NBEA: variants seen among roughly 807,000 people sequenced by gnomAD.
NBEA encodes the protein lysosomal-trafficking regulator 2.
NBEA carries 44 observed loss-of-function variants against 343.4 expected under a neutral mutation model. That is an observed-to-expected ratio of 0.13 (90% CI 0.10 to 0.16). The LOEUF (loss-of-function observed/expected upper bound fraction) is 0.16, where lower values mean the gene tolerates loss of function less well. Ranked by LOEUF, NBEA falls within the 10% of genes least tolerant of loss-of-function variation. NBEA has a pLI of 1.00. For synonymous variants in NBEA, 1,175 were observed against 1,238.7 expected (o/e 0.95, Z 1.08); for missense variants, 2,555 against 3,631.3 (o/e 0.70, Z 7.62).
chr13:35,299,621 T>G (rs1310353849), intron 35 of NBEA, among the ~76,000 whole-genome samples: 1 of 152,208 alleles, frequency 6.6e-6, no homozygotes, highest in African/African-American at 2.4e-5. Flanking sequence ...ATCTAAAGAC[T>G]TGGCAGCTCT....
chr13:35,344,219 T>A (rs1464361686), intron 36 of NBEA, among the ~76,000 whole-genome samples: 1 of 151,968 alleles, frequency 6.6e-6, no homozygotes, highest in Non-Finnish European at 1.5e-5. Flanking sequence ...TAAACAATAA[T>A]AGATATACTA....
intron 1 of NBEA, among the ~76,000 whole-genome samples, chr13:35,033,334 T>C (rs1053603978): frequency 1.3e-5 from 2 of 151,966 alleles, no homozygotes; most frequent in Non-Finnish European, 2.9e-5. Context: ...GATTTGTTTC[T>C]GGGTTCTCTA....
At chr13:35,667,149 C>A (rs1185213165) in intron 56 of NBEA, among the ~76,000 whole-genome samples, 2 of 152,196 alleles carry the variant, frequency 1.3e-5, no homozygotes, top group Non-Finnish European at 2.9e-5. Context: ...GACCAAGTAT[C>A]TACCTGGTGA....
intron 41 of NBEA, among the ~76,000 whole-genome samples, chr13:35,535,953 G>T (rs1490810710): frequency 6.6e-6 from 1 of 152,118 alleles, no homozygotes; most frequent in Non-Finnish European, 1.5e-5. Flanking sequence ...CCAATCAAAA[G>T]GACTTCCAAA....
chr13:35,543,023 A>C (rs2078906349), intron 41 of NBEA, among the ~76,000 whole-genome samples: 1 of 152,042 alleles, frequency 6.6e-6, no homozygotes, highest in African/African-American at 2.4e-5. Context: ...ATACTTACTG[A>C]TTAAAGCTTT....
At chr13:35,326,904 C>G (rs569251637) in intron 36 of NBEA, among the ~76,000 whole-genome samples, 1 of 151,790 alleles carries the variant, frequency 6.6e-6, no homozygotes, top group Non-Finnish European at 1.5e-5. Flanking sequence ...GACTAATATC[C>G]GGAATCTATA....
intron 34 of NBEA, among the ~76,000 whole-genome samples, chr13:35,239,678 G>T (rs74048953): frequency 6.6e-6 from 1 of 151,782 alleles, no homozygotes; most frequent in Non-Finnish European, 1.5e-5. Flanking sequence ...ACACATACAC[G>T]CATACCCATA....
At chr13:35,511,220 A>G (rs1320362576) in intron 41 of NBEA, among the ~76,000 whole-genome samples, 6 of 152,180 alleles carry the variant, frequency 3.9e-5, no homozygotes, top group East Asian at 3.8e-4. Context: ...TCAGCCTGCA[A>G]TTGTCAAGCA....
intron 43 of NBEA, among the ~76,000 whole-genome samples, chr13:35,553,780 A>AG (rs1491165073): frequency 1.2e-4 from 18 of 152,248 alleles, no homozygotes; most frequent in African/African-American, 3.4e-4. Flanking sequence ...GTGAATTCTC[A>AG]GGGGTGCTGC....
intron 10 of NBEA, among the ~76,000 whole-genome samples, chr13:35,084,567 GGA>G (rs2064625711): frequency 6.6e-6 from 1 of 152,026 alleles, no homozygotes; most frequent in Non-Finnish European, 1.5e-5. Flanking sequence ...AGAATCTCTG[GGA>G]CACATTCAAA....
At chr13:35,437,823 GT>G (rs2045523224) in intron 39 of NBEA, among the ~76,000 whole-genome samples, 1 of 152,018 alleles carries the variant, frequency 6.6e-6, no homozygotes, top group Non-Finnish European at 1.5e-5. Flanking sequence ...AAAAAGGAGG[GT>G]TTTGTATATT....
intron 41 of NBEA, among the ~76,000 whole-genome samples, chr13:35,547,525 C>G (rs2079116740): frequency 6.6e-6 from 1 of 152,098 alleles, no homozygotes; most frequent in Non-Finnish European, 1.5e-5. Flanking sequence ...AAGTGTGATA[C>G]AATTATCATA....
intron 1 of NBEA, among the ~76,000 whole-genome samples, chr13:34,955,699 A>G (rs2059469103): frequency 6.6e-6 from 1 of 151,634 alleles, no homozygotes; most frequent in Non-Finnish European, 1.5e-5. Flanking sequence ...TGTAGAAATC[A>G]TTTTTTTTTA....
At chr13:35,493,599 A>G (rs1157762299) in intron 41 of NBEA, among the ~76,000 whole-genome samples, 1 of 151,998 alleles carries the variant, frequency 6.6e-6, no homozygotes, top group Non-Finnish European at 1.5e-5. Context: ...TTCATATCAT[A>G]TAACTTTCTT....
At chr13:35,418,375 A>G (rs1033361557) in intron 38 of NBEA, among the ~76,000 whole-genome samples, 5 of 152,064 alleles carry the variant, frequency 3.3e-5, no homozygotes, top group Non-Finnish European at 7.4e-5. Flanking sequence ...TACTAAATAG[A>G]AGGAGTGATG....
chr13:35,066,679 TTC>T (rs754488459), intron 8 of NBEA, among the ~76,000 whole-genome samples: 29 of 152,078 alleles, frequency 1.9e-4, no homozygotes, highest in Non-Finnish European at 3.8e-4. Flanking sequence ...TCTTTGAATA[TTC>T]TATAAACAGT....
In NBEA at chr13:35,157,154, C is replaced by A; in HGVS notation, c.2728C>A (p.Gln910Lys). 6.2e-7 allele frequency: 1 copy of A among 1,608,732 alleles called. No homozygotes were observed. Residue 910 changes from glutamine (Q) to lysine (K), a missense_variant, in exon 21 of 59, where the codon CAG (glutamine) becomes AAG (lysine). Gln to Lys is a moderately conservative substitution (Grantham distance 53, BLOSUM62 1). Transcript: ENST00000379939. ...GYINPKNSEE[Q>K]KITEMVYNIF... The stretch of plus-strand genomic sequence containing the variant: ...TATCAATCCTAAAAATTCTGAGGAA[C>A]AGAAGATTACCGAAATGGTCTACAA...
At chr13:35,277,264 A>G (rs1215246567) in intron 34 of NBEA, among the ~76,000 whole-genome samples, 1 of 152,156 alleles carries the variant, frequency 6.6e-6, no homozygotes, top group Non-Finnish European at 1.5e-5. Context: ...GGCAGAGACC[A>G]GGTATTAAAG....
At chr13:35,008,607 T>C (rs2061389776) in intron 1 of NBEA, among the ~76,000 whole-genome samples, 1 of 152,194 alleles carries the variant, frequency 6.6e-6, no homozygotes, top group East Asian at 1.9e-4. Flanking sequence ...TGCAGCTCTG[T>C]ATTTACAATG....
Sources: allele counts gnomAD v4.1 joint callset (sites outside exome capture counted in the v4.1 genomes callset), GRCh38; gene constraint gnomAD v4.1.1; transcripts MANE v1.5; gene names NCBI Gene and HGNC (gene_info 2026-07-23, HGNC 2026-07-21).